Variants in IGSF11 observed in about 807,000 individuals in gnomAD.
The protein encoded by IGSF11 is immunoglobulin superfamily member 11, also known as CXADR like 1.
A neutral mutation model predicts 41.0 loss-of-function variants in IGSF11; 22 were observed. The ratio of observed to expected loss-of-function variants is 0.54; its 90% CI spans 0.38 to 0.77. IGSF11 has a LOEUF of 0.77. IGSF11 is among the 30% of genes least tolerant of loss of function. IGSF11 has a pLI of 0.00. For synonymous variants in IGSF11, 219 were observed against 201.3 expected (o/e 1.09, Z -0.74); for missense variants, 444 against 530.8 (o/e 0.84, Z 1.61).
chr3:119,033,146 C>T (rs1034978877), intron 1 of IGSF11, among the ~76,000 whole-genome samples: 3 of 152,142 alleles, frequency 2.0e-5, no homozygotes, highest in African/African-American at 7.2e-5. Context: ...ACAAACTATA[C>T]ACAAATGCTA....
At chr3:119,133,879 A>C (rs932123459) in intron 1 of IGSF11, among the ~76,000 whole-genome samples, 5 of 152,238 alleles carry the variant, frequency 3.3e-5, no homozygotes, top group Admixed American at 6.5e-5. Flanking sequence ...CACCATGATC[A>C]AGTTGGCTTC....
At chr3:119,093,554 A>G (rs2076799946) in intron 1 of IGSF11, among the ~76,000 whole-genome samples, 2 of 152,176 alleles carry the variant, frequency 1.3e-5, no homozygotes, top group Non-Finnish European at 2.9e-5. Flanking sequence ...TCAATACCGA[A>G]AGCAAAGTAT....
chr3:119,073,489 T>G (rs1472072246), intron 1 of IGSF11, among the ~76,000 whole-genome samples: 1 of 152,146 alleles, frequency 6.6e-6, no homozygotes, highest in East Asian at 1.9e-4. Context: ...TCAGGCCGCA[T>G]GGGAGCCCAC....
chr3:119,058,404 T>C (rs373617033), intron 1 of IGSF11, among the ~76,000 whole-genome samples: 1,854 of 151,714 alleles, frequency 0.012, 32 homozygotes, highest in East Asian at 0.079. Flanking sequence ...CAGAGAAATG[T>C]AAATCAAAAC....
chr3:118,998,893 G>T (rs1483886744), intron 1 of IGSF11, among the ~76,000 whole-genome samples: 1 of 151,970 alleles, frequency 6.6e-6, no homozygotes, highest in East Asian at 1.9e-4. Context: ...TTTTGGCATT[G>T]TTTATAATAG....
intron 1 of IGSF11, among the ~76,000 whole-genome samples, chr3:118,993,643 A>G (rs532660400): frequency 3.5e-4 from 54 of 152,368 alleles, no homozygotes; most frequent in African/African-American, 1.1e-3. Context: ...ATAAAAAGTT[A>G]TATATCCATA....
chr3:119,126,736 G>A (rs1442696918), intron 1 of IGSF11, among the ~76,000 whole-genome samples: 1 of 152,070 alleles, frequency 6.6e-6, no homozygotes, highest in East Asian at 1.9e-4. Flanking sequence ...AATCAGATAA[G>A]GCCTGAAGCA....
chr3:119,076,046 C>T lies in IGSF11; in HGVS notation c.49+29098G>A, dbSNP rs572964925. 1.6e-3 allele frequency among the ~76,000 whole-genome samples: 246 copies of T among 152,272 alleles called. 2 individuals are homozygous for T. The highest frequency in any genetic ancestry group is 5.5e-3 in the African/African-American group (230 of 41,544). ...CTACAGTAACCAAAACAGCATGGTA[C>T]TGGTACCAAAACAGAGATATAGATC... On this transcript the variant is annotated intron_variant, in intron 1 of 6. Transcript: ENST00000354673.
In IGSF11 at chr3:118,902,626, C is replaced by T. The variant is rs759484762; in HGVS notation, c.1190G>A (p.Arg397Gln). 5.6e-6 allele frequency: 9 copies of T among 1,614,014 alleles called. No individual in the cohort carries two copies. The highest frequency in any genetic ancestry group is 2.2e-5 in the East Asian group (1 of 44,858). ...RSNGSVSRKP[R>Q]PPHTHSYTIS... is the part of the protein sequence containing the mutation. ...GGTGTAGGAATGAGTGTGTGGAGGCCGAGGCTTCCTACTGACTGAGCCATT... is the reference window on the plus strand; with the variant it reads ...GGTGTAGGAATGAGTGTGTGGAGGCTGAGGCTTCCTACTGACTGAGCCATT... Residue 397 changes from arginine to glutamine, a missense_variant, in exon 7 of 7, where the codon CGG becomes CAG. By Grantham distance (43) the Arg-to-Gln change is conservative. Transcript: ENST00000393775.
At chr3:118,961,903 T>C (rs1022689551) in intron 1 of IGSF11, among the ~76,000 whole-genome samples, 8 of 152,264 alleles carry the variant, frequency 5.3e-5, no homozygotes, top group Non-Finnish European at 5.9e-5. Context: ...GTAATATATG[T>C]GTAAATGTTG....
rs143704502 is a variant in IGSF11, at chr3:119,042,565, C to A, written c.49+62579G>T. On this transcript the variant is annotated intron_variant, in intron 1 of 6. Transcript: ENST00000354673. ...AGCCATAATCCCCCTGGGAACAAAA[C>A]TCCATTGGCCTGGGAACCACCTCCT... 2.6e-5 allele frequency among the ~76,000 whole-genome samples: 4 copies of A among 152,260 alleles called. No homozygotes were observed. In the East Asian group the frequency reaches 7.8e-4, roughly 30 times the overall value.
intron 1 of IGSF11, among the ~76,000 whole-genome samples, chr3:119,057,655 G>T (rs139864921): frequency 0.016 from 2,424 of 152,168 alleles, 30 homozygotes; most frequent in Middle Eastern, 0.051. Flanking sequence ...AAAAGAACCC[G>T]CATTGACAAG....
chr3:119,082,683 A>C (rs914605060), intron 1 of IGSF11, among the ~76,000 whole-genome samples: 2 of 152,216 alleles, frequency 1.3e-5, no homozygotes, highest in African/African-American at 4.8e-5. Flanking sequence ...ATGTCACTGT[A>C]AGTTTCATTG....
intron 4 of IGSF11, among the ~76,000 whole-genome samples, chr3:118,914,241 A>C (rs1370156707): frequency 1.3e-5 from 2 of 151,966 alleles, no homozygotes; most frequent in Non-Finnish European, 2.9e-5. Flanking sequence ...TAAATAGAAA[A>C]TCGGGGAGGA....
At chr3:118,917,019 A>C (rs1169489852) in intron 4 of IGSF11, among the ~76,000 whole-genome samples, 1 of 152,244 alleles carries the variant, frequency 6.6e-6, no homozygotes, top group African/African-American at 2.4e-5. Context: ...TGGGTACATA[A>C]GGAAATGAAG....
At chr3:118,935,116 T>A (rs971540697) in intron 1 of IGSF11, among the ~76,000 whole-genome samples, 18 of 151,320 alleles carry the variant, frequency 1.2e-4, no homozygotes, top group Non-Finnish European at 1.5e-5. Flanking sequence ...ATATAACAAA[T>A]CCTCATTAGT....
intron 1 of IGSF11, among the ~76,000 whole-genome samples, chr3:119,052,618 G>A (rs1941671854): frequency 6.6e-6 from 1 of 151,736 alleles, no homozygotes; most frequent in Admixed American, 6.6e-5. Context: ...CAGAGAAAGA[G>A]GGAATCCTCC....
intron 1 of IGSF11, among the ~76,000 whole-genome samples, chr3:118,973,238 T>C (rs1933659834): frequency 6.6e-6 from 1 of 152,058 alleles, no homozygotes; most frequent in South Asian, 2.1e-4. Context: ...TTGGCACACA[T>C]AAATGAGTCC....
intron 1 of IGSF11, among the ~76,000 whole-genome samples, chr3:118,964,430 C>T (rs183161797): frequency 2.6e-3 from 398 of 152,134 alleles, no homozygotes; most frequent in Non-Finnish European, 4.1e-3. Flanking sequence ...GAAGACTTCC[C>T]ACCAGTATGT....
Sources: allele counts gnomAD v4.1 joint callset (sites outside exome capture counted in the v4.1 genomes callset), GRCh38; gene constraint gnomAD v4.1.1; transcripts MANE v1.5; gene names NCBI Gene and HGNC (gene_info 2026-07-23, HGNC 2026-07-21).